The following SUMF1 variants were observed in gnomAD, a reference collection of about 807,000 sequenced individuals.
SUMF1 encodes sulfatase modifying factor 1.
SUMF1 carries 48 observed loss-of-function variants against 47.6 expected under a neutral mutation model. The ratio of observed to expected loss-of-function variants is 1.01; its 90% confidence interval spans 0.80 to 1.28. The LOEUF (loss-of-function observed/expected upper bound fraction) is 1.28. SUMF1 is among the 50% of genes most tolerant of loss of function. The pLI, the probability that SUMF1 is intolerant of heterozygous loss-of-function variation, is 0.00. For synonymous variants in SUMF1, 230 were observed against 192.1 expected (o/e 1.20, Z -1.63); for missense variants, 571 against 485.4 (o/e 1.18, Z -1.66).
rs138394190 is a variant in SUMF1, at chr3:4,220,602, T to C, written c.1015-151857A>G. Reference sequence around the variant, plus strand: ...TCCCTTAAATGGTGGTCAAGTGTTCTTGGATGATGTTTTAGGTTTTTATCT... The same window carrying C: ...TCCCTTAAATGGTGGTCAAGTGTTCCTGGATGATGTTTTAGGTTTTTATCT... On this transcript the variant is annotated intron_variant and NMD_transcript_variant, in intron 8 of 12. Coordinates refer to the SUMF1 transcript ENST00000448413. Among the ~76,000 whole-genome samples, 1,165 of 152,212 alleles carry C rather than the reference T, an allele frequency of 7.7e-3. 8 individuals are homozygous for C. The highest frequency in any genetic ancestry group is 9.8e-3 in the Non-Finnish European group (669 of 67,980).
At chr3:4,421,487 T>C (rs1186301997) in intron 3 of SUMF1, among the ~76,000 whole-genome samples, 1 of 151,990 alleles carries the variant, frequency 6.6e-6, no homozygotes. Context: ...ATGTTGCAAA[T>C]GATTCTTTTT....
chr3:4,165,542 G>A (rs2125118090), intron 8 of SUMF1, among the ~76,000 whole-genome samples: 1 of 152,164 alleles, frequency 6.6e-6, no homozygotes. Flanking sequence ...TGCAAACTTT[G>A]CATAGTTGTG....
Position 4,335,980 on chromosome 3 carries a change from A to C in SUMF1, c.1014+40350T>G, listed in dbSNP as rs76803872. On this transcript the variant is annotated intron_variant and NMD_transcript_variant, in intron 8 of 12. Transcript: ENST00000448413. ...CAACTCAAAAAAAAAAAAAAAAAAA[A>C]CAGAAAAAACCCCCAGCCAGTACCA... Among the ~76,000 whole-genome samples, 170 of 148,192 alleles carry C rather than the reference A, an allele frequency of 1.1e-3. 1 individual carries two copies. The highest frequency in any genetic ancestry group is 4.0e-3 in the African/African-American group (160 of 39,952).
chr3:4,169,049 G>A (rs989552079), intron 8 of SUMF1, among the ~76,000 whole-genome samples: 2 of 152,148 alleles, frequency 1.3e-5, no homozygotes, highest in African/African-American at 4.8e-5. Flanking sequence ...AAAGTAGATA[G>A]AAAACTGTAA....
chr3:4,192,652 C>T (rs1695344483), intron 8 of SUMF1, among the ~76,000 whole-genome samples: 1 of 152,066 alleles, frequency 6.6e-6, no homozygotes, highest in Admixed American at 6.6e-5. Context: ...AGGTTCCTTG[C>T]ATAATACATG....
intron 8 of SUMF1, among the ~76,000 whole-genome samples, chr3:4,187,982 T>G (rs1695238057): frequency 1.3e-5 from 2 of 152,152 alleles, no homozygotes; most frequent in South Asian, 4.2e-4. Flanking sequence ...TTAAAAGACT[T>G]TATTTTTTTA....
At chr3:4,083,472 C>T (rs531253075) in intron 8 of SUMF1, among the ~76,000 whole-genome samples, 15 of 152,190 alleles carry the variant, frequency 9.9e-5, no homozygotes, top group East Asian at 7.7e-4. Flanking sequence ...GGGTGCCTAT[C>T]GGCTGCACCC....
intron 7 of SUMF1, among the ~76,000 whole-genome samples, chr3:4,404,131 A>G (rs1208895985): frequency 1.3e-5 from 2 of 152,276 alleles, no homozygotes; most frequent in South Asian, 2.1e-4. Context: ...GTTTATTTCT[A>G]TTTCTCAATA....
intron 1 of SUMF1, among the ~76,000 whole-genome samples, chr3:4,462,537 CTT>C (rs1209301455): frequency 6.6e-6 from 1 of 152,104 alleles, no homozygotes. Flanking sequence ...TTAAGCCAGT[CTT>C]GTCTTTTTTT....
intron 9 of SUMF1, among the ~76,000 whole-genome samples, chr3:4,050,633 C>T (rs1163112053): frequency 3.3e-5 from 5 of 150,792 alleles, no homozygotes; most frequent in African/African-American, 4.9e-5. Context: ...CTGCCAGCTA[C>T]TCAGGAGGCT....
intron 7 of SUMF1, among the ~76,000 whole-genome samples, chr3:4,398,436 ATAACT>A (rs1390796616): frequency 6.6e-6 from 1 of 152,212 alleles, no homozygotes; most frequent in Non-Finnish European, 1.5e-5. Flanking sequence ...ACAAAAAAAG[ATAACT>A]TAACTATATA....
chr3:4,432,692 T>C (rs1702271518), intron 3 of SUMF1, among the ~76,000 whole-genome samples: 1 of 152,232 alleles, frequency 6.6e-6, no homozygotes, highest in Non-Finnish European at 1.5e-5. Flanking sequence ...CTATCCATTA[T>C]TCTGTTTTAT....
At chr3:4,249,814 T>C (rs1308955371) in intron 8 of SUMF1, among the ~76,000 whole-genome samples, 1 of 152,146 alleles carries the variant, frequency 6.6e-6, no homozygotes, top group Non-Finnish European at 1.5e-5. Flanking sequence ...ACCTAAGTTG[T>C]GAATGCAAAG....
At chr3:4,358,497 T>G (rs927578792), downstream of SUMF1, among the ~76,000 whole-genome samples, 8 of 152,188 alleles carry the variant, frequency 5.3e-5, no homozygotes, top group Non-Finnish European at 1.2e-4. Flanking sequence ...TGGAGGACAG[T>G]AGAATGTGGA....
intron 3 of SUMF1, among the ~76,000 whole-genome samples, chr3:4,422,594 T>C (rs1399904723): frequency 6.6e-6 from 1 of 152,070 alleles, no homozygotes; most frequent in Non-Finnish European, 1.5e-5. Context: ...CTTCTATCAA[T>C]ATTCTTAAAA....
chr3:4,238,991 A>G (rs944829749), intron 8 of SUMF1, among the ~76,000 whole-genome samples: 1 of 152,108 alleles, frequency 6.6e-6, no homozygotes, highest in African/African-American at 2.4e-5. Context: ...CTTTCTGCAT[A>G]TGGCTAGCCA....
chr3:4,127,588 C>T (rs1014984179), intron 8 of SUMF1, among the ~76,000 whole-genome samples: 7 of 152,086 alleles, frequency 4.6e-5, no homozygotes, highest in South Asian at 2.1e-4. Flanking sequence ...TCAGTTTTGG[C>T]GCTTGGACTG....
At chr3:4,151,842 G>A (rs1559514879) in intron 8 of SUMF1, among the ~76,000 whole-genome samples, 3 of 151,424 alleles carry the variant, frequency 2.0e-5, no homozygotes, top group Non-Finnish European at 4.4e-5. Flanking sequence ...GAGAAAAGAT[G>A]CACTGGGACA....
At chr3:4,239,410 G>A (rs1325099107) in intron 8 of SUMF1, among the ~76,000 whole-genome samples, 1 of 152,100 alleles carries the variant, frequency 6.6e-6, no homozygotes, top group African/African-American at 2.4e-5. Flanking sequence ...CCATAAGCAT[G>A]GAATGTTTTC....
Sources: allele counts gnomAD v4.1 joint callset (sites outside exome capture counted in the v4.1 genomes callset), GRCh38; gene constraint gnomAD v4.1.1; transcripts MANE v1.5; gene names NCBI Gene and HGNC (gene_info 2026-07-23, HGNC 2026-07-21).